Variants in ESR1 observed in about 807,000 individuals in gnomAD.
The protein encoded by ESR1 is estrogen receptor.
Under a neutral mutation model 52.7 loss-of-function variants are expected in ESR1, and 12 were observed. The ratio of observed to expected loss-of-function variants is 0.23; its 90% CI spans 0.15 to 0.37. The LOEUF is 0.37. Ranked by LOEUF, ESR1 falls within the 10% of genes least tolerant of loss-of-function variation. The probability of loss-of-function intolerance (pLI) is 1.00; values close to 1 mark genes in which losing one functional copy is unlikely to be tolerated. For synonymous variants in ESR1, 305 were observed against 316.8 expected (o/e 0.96, Z 0.39); for missense variants, 584 against 779.7 (o/e 0.75, Z 2.99).
intron 6 of ESR1, among the ~76,000 whole-genome samples, chr6:152,093,288 A>C (rs9478290): frequency 0.087 from 13,191 of 151,132 alleles, 1,255 homozygotes; most frequent in African/African-American, 0.24. Context: ...AAAAAAACAA[A>C]AAAAAAAAAC....
At chr6:151,958,329 A>C (rs73005965) in intron 4 of ESR1, among the ~76,000 whole-genome samples, 78 of 152,218 alleles carry the variant, frequency 5.1e-4, no homozygotes, top group Non-Finnish European at 8.8e-4. Flanking sequence ...AAAAATCTCT[A>C]CCATTTATTG....
exon 7 of ESR1, chr6:152,126,982 T>C (rs2053679517): frequency 1.3e-5 from 2 of 152,212 alleles, no homozygotes; most frequent in African/African-American, 4.8e-5. Context: ...TGCAGAAACA[T>C]CTAGATTGTC....
intron 2 of ESR1, among the ~76,000 whole-genome samples, chr6:151,710,917 A>G (rs544405827): frequency 2.0e-5 from 3 of 152,264 alleles, no homozygotes; most frequent in African/African-American, 4.8e-5. Flanking sequence ...TCCATGGTGT[A>G]TATGTGCCAC....
chr6:152,026,370 CCTAT>C (rs1424442650), intron 5 of ESR1, among the ~76,000 whole-genome samples: 1 of 151,646 alleles, frequency 6.6e-6, no homozygotes, highest in African/African-American at 2.4e-5. Flanking sequence ...TGAATTTTAC[CCTAT>C]CTAATATCAA....
intron 5 of ESR1, among the ~76,000 whole-genome samples, chr6:152,028,009 TG>T (rs1562692161): frequency 6.6e-6 from 1 of 151,868 alleles, no homozygotes; most frequent in African/African-American, 2.4e-5. Context: ...CCAGGTGTGG[TG>T]GCAGGCACCT....
chr6:152,095,032 C>A (rs2050498266), intron 7 of ESR1, among the ~76,000 whole-genome samples: 1 of 152,110 alleles, frequency 6.6e-6, no homozygotes, highest in Non-Finnish European at 1.5e-5. Context: ...CCCTTCTTGT[C>A]ACCCCCATTG....
At chr6:151,689,242 G>T (rs77950045), upstream of ESR1, among the ~76,000 whole-genome samples, 4 of 151,946 alleles carry the variant, frequency 2.6e-5, no homozygotes, top group Non-Finnish European at 4.4e-5. Context: ...AAAATATTTC[G>T]CTTTCAAAAC....
At chr6:151,678,922 T>C (rs1267969929) in intron 1 of ESR1, among the ~76,000 whole-genome samples, 1 of 152,068 alleles carries the variant, frequency 6.6e-6, no homozygotes, top group East Asian at 1.9e-4. Context: ...CCTGACCTTG[T>C]GATCCACCCG....
chr6:151,713,890 T>C (rs1198712769), intron 2 of ESR1, among the ~76,000 whole-genome samples: 1 of 152,166 alleles, frequency 6.6e-6, no homozygotes, highest in Non-Finnish European at 1.5e-5. Flanking sequence ...AGCTTTTGAA[T>C]GTGTTTGCTC....
At chr6:151,740,406 G>C (rs1198806771) in intron 2 of ESR1, among the ~76,000 whole-genome samples, 1 of 150,676 alleles carries the variant, frequency 6.6e-6, no homozygotes, top group Non-Finnish European at 1.5e-5. Flanking sequence ...AAAGTGCTGG[G>C]ATTACAGGCG....
intron 1 of ESR1, among the ~76,000 whole-genome samples, chr6:151,659,970 A>G (rs894172218): frequency 1.3e-5 from 2 of 152,228 alleles, no homozygotes; most frequent in African/African-American, 4.8e-5. Flanking sequence ...TTAATATGGT[A>G]AAAAGAACAC....
intron 7 of ESR1, among the ~76,000 whole-genome samples, chr6:152,097,799 T>G (rs764255832): frequency 4.6e-5 from 7 of 152,166 alleles, no homozygotes; most frequent in Non-Finnish European, 1.0e-4. Context: ...GTTTTAGGCC[T>G]AGCAGGGGAC....
At chr6:151,833,262 C>T (rs1362733413) in intron 1 of ESR1, among the ~76,000 whole-genome samples, 1 of 152,126 alleles carries the variant, frequency 6.6e-6, no homozygotes, top group African/African-American at 2.4e-5. Flanking sequence ...CTGTGTTTAT[C>T]CTGTAGGCCA....
At chr6:151,872,032 G>C (rs1367186742) in intron 2 of ESR1, among the ~76,000 whole-genome samples, 2 of 152,032 alleles carry the variant, frequency 1.3e-5, no homozygotes, top group Non-Finnish European at 2.9e-5. Context: ...GAGTAATTTT[G>C]CTATGAACAT....
chr6:151,709,044 T>G (rs1411888922), intron 2 of ESR1, among the ~76,000 whole-genome samples: 1 of 152,158 alleles, frequency 6.6e-6, no homozygotes, highest in East Asian at 1.9e-4. Context: ...CACCATGTTG[T>G]ACAGTGGATC....
intron 5 of ESR1, among the ~76,000 whole-genome samples, chr6:152,059,706 A>G (rs890853497): frequency 3.3e-5 from 5 of 152,312 alleles, no homozygotes; most frequent in Non-Finnish European, 1.5e-5. Flanking sequence ...TAGCAATTCT[A>G]CTTCCAAGAA....
chr6:151,834,924 G>T (rs537503407), intron 1 of ESR1, among the ~76,000 whole-genome samples: 1 of 152,118 alleles, frequency 6.6e-6, no homozygotes, highest in African/African-American at 2.4e-5. Flanking sequence ...TCCAGGTCAC[G>T]GAAGGACTTG....
intron 5 of ESR1, among the ~76,000 whole-genome samples, chr6:152,034,145 GTT>G: frequency 1.4e-5 from 2 of 142,036 alleles, no homozygotes; most frequent in African/African-American, 5.1e-5. Flanking sequence ...CTTTTGTGTG[GTT>G]GGGGAGGGGG....
intron 5 of ESR1, among the ~76,000 whole-genome samples, chr6:152,044,626 G>T (rs1025933660): frequency 6.6e-6 from 1 of 151,800 alleles, no homozygotes; most frequent in African/African-American, 2.4e-5. Flanking sequence ...ACTGGTGTAG[G>T]TCTAAGAGTT....
Sources: allele counts gnomAD v4.1 joint callset (sites outside exome capture counted in the v4.1 genomes callset), GRCh38; gene constraint gnomAD v4.1.1; transcripts MANE v1.5; gene names NCBI Gene and HGNC (gene_info 2026-07-23, HGNC 2026-07-21).